Variants in CD24 observed in about 807,000 individuals in gnomAD.
CD24 encodes signal transducer CD24.
CD24 carries 2 observed loss-of-function variants against 3.6 expected under a neutral mutation model. The observed-to-expected ratio is 0.56, with a 90% confidence interval of 0.23 to 1.77. The LOEUF is 1.77. Ranked by LOEUF, CD24 falls within the 40% of genes most tolerant of loss-of-function variation. The probability of loss-of-function intolerance (pLI) is 0.18; values close to 1 mark genes in which losing one functional copy is unlikely to be tolerated. For missense variants in CD24, 62 were observed against 93.6 expected (o/e 0.66, Z 1.39); for synonymous variants, 33 against 44.9 (o/e 0.74, Z 1.06).
intron 1 of CD24, chr6:106,974,062 CG>C (rs1433570925): frequency 5.0e-6 from 2 of 397,236 alleles, no homozygotes; most frequent in Non-Finnish European, 8.9e-6. Context: ...GTAGCTTCTC[CG>C]GGATACCCAA....
upstream of CD24, among the ~76,000 whole-genome samples, chr6:106,976,543 C>T (rs1316308726): frequency 2.0e-5 from 3 of 152,128 alleles, no homozygotes; most frequent in African/African-American, 7.2e-5. Flanking sequence ...CAGTGTACCA[C>T]ATTATATAGA....
intron 1 of CD24, 129 bp downstream of exon 1, chr6:106,974,449 A>C (rs962594886): frequency 5.7e-5 from 32 of 563,716 alleles, no homozygotes; most frequent in Non-Finnish European, 8.0e-5. Context: ...TCAGCTAAGC[A>C]AGATTCTCTC....
chr6:106,974,275 G>A (rs1773048282), intron 1 of CD24, among the ~76,000 whole-genome samples: 1 of 152,234 alleles, frequency 6.6e-6, no homozygotes, highest in Non-Finnish European at 1.5e-5. Flanking sequence ...GTGAAAGTGG[G>A]AAGTAGTCAC....
chr6:106,974,490 C>G lies in CD24; in HGVS notation c.69+88G>C. The G allele has an allele frequency of 5.4e-6, 4 of 736,926 alleles. No individual in the cohort carries two copies. In the South Asian group the frequency reaches 6.7e-5, roughly 12 times the overall value. The allele number at this position is 736,926 out of a possible 1,614,324, so 45.6% of individuals were successfully genotyped here. A position where few individuals can be genotyped will look rare whatever the true frequency, so the allele number is the denominator to read the frequency against. On this transcript the variant is annotated intron_variant, in intron 1 of 1. Coordinates refer to ENST00000606017, the MANE Select transcript of CD24 (RefSeq NM_001359084.1). Reference sequence around the variant, plus strand: ...CCCTGTCCGTGGCCCGAGGCAGGAGCGCAGGACGGTCCCCCGGGACCGGGT... The same window carrying G: ...CCCTGTCCGTGGCCCGAGGCAGGAGGGCAGGACGGTCCCCCGGGACCGGGT...
rs970965946 is a variant in CD24, at chr6:106,973,973, G to A, written c.69+605C>T. 7 of 398,304 alleles carry A rather than the reference G, an allele frequency of 1.8e-5. No individual in the cohort carries two copies. In the South Asian group the frequency reaches 9.1e-4, roughly 52 times the overall value. 24.7% of individuals were successfully genotyped at this position (398,304 alleles called of 1,614,324 possible). A position where few individuals can be genotyped will look rare whatever the true frequency, so the allele number is the denominator to read the frequency against. On this transcript the variant is annotated intron_variant, in intron 1 of 1. Transcript: ENST00000606017. Reference sequence around the variant, plus strand: ...GATGGACGTGAAAGGTTGCCTCGCAGAGAGCGCAGCGTCAGGAGAGGGTCC... The same window carrying A: ...GATGGACGTGAAAGGTTGCCTCGCAAAGAGCGCAGCGTCAGGAGAGGGTCC...
chr6:106,972,225 A>G (rs1772990110), intron 1 of CD24, among the ~76,000 whole-genome samples: 1 of 152,230 alleles, frequency 6.6e-6, no homozygotes, highest in Non-Finnish European at 1.5e-5. Flanking sequence ...GCACAAAAAA[A>G]TGGGGATTTT....
In CD24 at chr6:106,970,178, G is replaced by A. The variant is rs1355637665; in HGVS notation, c.*1483C>T. On this transcript the variant is annotated 3_prime_UTR_variant, in exon 2 of 2. Transcript: ENST00000606017. The stretch of plus-strand genomic sequence containing the variant: ...ATTTTTAAAAAGGTTTATGTGTGTC[G>A]AGGCAGTTGTAAAAGATTTACTGCA... 2.0e-5 allele frequency: 3 copies of A among 152,332 alleles called. No homozygotes were observed. Among genetic ancestry groups the A allele is most frequent in the African/African-American group, 4.8e-5 (2 of 41,418 alleles). 9.4% of individuals were successfully genotyped at this position (152,332 alleles called of 1,614,324 possible).
At chr6:106,974,455 C>A in intron 1 of CD24, 123 bp downstream of exon 1, 3 of 573,152 alleles carry the variant, frequency 5.2e-6, no homozygotes, top group Non-Finnish European at 8.6e-6. Flanking sequence ...AAGCAAGATT[C>A]TCTCCCGGTC....
rs1327737862 is a variant in CD24 at position 106,974,659 on chromosome 6, G to C, written c.-13C>G. 4 of 1,493,690 alleles carry C rather than the reference G, an allele frequency of 2.7e-6. No homozygotes were observed. In the African/African-American group the frequency reaches 4.4e-5, roughly 16 times the overall value. 92.5% of individuals were successfully genotyped at this position (1,493,690 alleles called of 1,614,324 possible). A position where few individuals can be genotyped will look rare whatever the true frequency, so the allele number is the denominator to read the frequency against. On this transcript the variant is annotated 5_prime_UTR_variant, in exon 1 of 2. Coordinates refer to ENST00000606017, the MANE Select transcript of CD24 (RefSeq NM_001359084.1). Reference sequence around the variant, plus strand: ...TTGCTCTGCCCATGTCCCCTCCGTCGGTGCGCGGCGCGTCTAGCAGGATGC... The same window carrying C: ...TTGCTCTGCCCATGTCCCCTCCGTCCGTGCGCGGCGCGTCTAGCAGGATGC...
Position 106,971,527 on chromosome 6 carries a change from G to T in CD24, c.*134C>A, listed in dbSNP as rs1772971886. On this transcript the variant is annotated 3_prime_UTR_variant, in exon 2 of 2. Transcript: ENST00000606017. ...AAATTTGGGATTCTCAACATTTTCT[G>T]TGTCAATAAAAGGTGTGGAATTAGT... is the stretch of plus-strand genomic sequence containing the variant. 2 of 655,784 alleles carry T rather than the reference G, an allele frequency of 3.0e-6. No homozygotes were observed. The highest frequency in any genetic ancestry group is 6.2e-5 in the Admixed American group (2 of 32,062). The allele number at this position is 655,784 out of a possible 1,614,324, so 40.6% of individuals were successfully genotyped here. A position where few individuals can be genotyped will look rare whatever the true frequency, so the allele number is the denominator to read the frequency against.
In CD24 at chr6:106,971,117, A is replaced by C. The variant is rs1772961388; in HGVS notation, c.*544T>G. 2 of 153,308 alleles carry C rather than the reference A, an allele frequency of 1.3e-5. No individual in the cohort carries two copies. The highest frequency in any genetic ancestry group is 4.8e-5 in the African/African-American group (2 of 41,482). 9.5% of individuals were successfully genotyped at this position (153,308 alleles called of 1,614,324 possible). A position where few individuals can be genotyped will look rare whatever the true frequency, so the allele number is the denominator to read the frequency against. On this transcript the variant is annotated 3_prime_UTR_variant, in exon 2 of 2. Coordinates refer to ENST00000606017, the MANE Select transcript of CD24 (RefSeq NM_001359084.1). ...CCCAAGAGAACAGCAATAGCTCAACAATGTAAAACTTCATCTAGAGTATAT... is the reference window on the plus strand; with the variant it reads ...CCCAAGAGAACAGCAATAGCTCAACCATGTAAAACTTCATCTAGAGTATAT...
intron 1 of CD24, 76 bp from the exon 2 acceptor site, chr6:106,971,910 G>C (rs1267239396): frequency 1.0e-6 from 1 of 964,994 alleles, no homozygotes; most frequent in African/African-American, 1.7e-5. Context: ...TAAAATTAAA[G>C]TAGGTGATAT....
rs1378483565 is a variant in CD24, at chr6:106,974,722, G to A, written c.-76C>T. 8.4e-6 allele frequency: 12 copies of A among 1,430,392 alleles called. No individual in the cohort carries two copies. The highest frequency in any genetic ancestry group is 2.4e-4 in the Middle Eastern group (1 of 4,144). 88.6% of individuals were successfully genotyped at this position (1,430,392 alleles called of 1,614,324 possible). A position where few individuals can be genotyped will look rare whatever the true frequency, so the allele number is the denominator to read the frequency against. On this transcript the variant is annotated 5_prime_UTR_variant, in exon 1 of 2. Transcript: ENST00000606017. ...GAACCGCTGGCTCCGGGCGGGCGCA[G>A]GCAAGGTGGGGAGCGCGGCGAGCCG... is the stretch of plus-strand genomic sequence containing the variant.
intron 1 of CD24, chr6:106,973,916 T>C (rs1773036844): frequency 7.5e-6 from 3 of 398,380 alleles, no homozygotes; most frequent in Admixed American, 4.4e-5. Context: ...CAATCTGGGC[T>C]AAAATAACAT....
At position 106,971,668 on chromosome 6, in the gene CD24, T is replaced by C. The variant is rs1772976513; in HGVS notation, c.236A>G (p.Tyr79Cys). The stretch of plus-strand genomic sequence containing the variant: ...TTTCTTGGCCTGAGTCTCTTAAGAG[T>C]AGAGATGCAGAAGAGAGAGTGAGAC... Reference protein sequence around the residue: ...FVVSLSLLHLYS With the variant: ...FVVSLSLLHLCS The change falls in exon 2 of 2, where the codon TAC becomes TGC. Residue 79 changes from tyrosine to cysteine, a missense_variant. Physicochemically the swap from Tyr to Cys is radical, Grantham distance 194 (BLOSUM62 -2). Transcript: ENST00000606017. 2.6e-5 allele frequency: 40 copies of C among 1,546,434 alleles called. No homozygotes were observed. The highest frequency in any genetic ancestry group is 4.9e-5 in the East Asian group (2 of 40,858).
rs1772955237 is a variant in CD24 at position 106,970,894 on chromosome 6, G to A, written c.*767C>T. 2 of 152,232 alleles carry A rather than the reference G, an allele frequency of 1.3e-5. No individual in the cohort carries two copies. Among genetic ancestry groups the A allele is most frequent in the African/African-American group, 4.8e-5 (2 of 41,444 alleles). The allele number at this position is 152,232 out of a possible 1,614,324, so 9.4% of individuals were successfully genotyped here. ...TTGGAATCCGTTTAGCTAAATGAAT[G>A]TAGTGCTCTTGTTGAATGGAAACAG... On this transcript the variant is annotated 3_prime_UTR_variant, in exon 2 of 2. Transcript: ENST00000606017.
At chr6:106,975,471 C>T (rs1239385534), upstream of CD24, 25 of 152,208 alleles carry the variant, frequency 1.6e-4, no homozygotes, top group Admixed American at 1.4e-3. Flanking sequence ...CGCGCTCGGC[C>T]CCGCGGCCGC....
chr6:106,973,318 A>G (rs1773017748), intron 1 of CD24: 2 of 233,358 alleles, frequency 8.6e-6, no homozygotes, highest in South Asian at 3.6e-4. Context: ...CTCACTTACA[A>G]TGTTGGAGGA....
At chr6:106,975,176 C>G (rs1773079352), upstream of CD24, 1 of 152,026 alleles carries the variant, frequency 6.6e-6, no homozygotes, top group Non-Finnish European at 1.5e-5. Context: ...GCGGGGTAGC[C>G]GCCTGTCCTG....
Sources: gnomAD v4.1 joint callset for allele counts (sites outside exome capture counted in the v4.1 genomes callset) on GRCh38, gnomAD v4.1.1 for gene constraint, MANE v1.5 for transcripts, NCBI Gene and HGNC (gene_info 2026-07-23, HGNC 2026-07-21) for gene names.